Variants in CHIC1 observed in about 807,000 individuals in gnomAD.
The protein encoded by CHIC1 is cysteine-rich hydrophobic domain-containing protein 1.
Under a neutral mutation model 18.5 loss-of-function variants are expected in CHIC1, and 7 were observed. That is an observed-to-expected ratio of 0.38 (90% confidence interval 0.22 to 0.71). CHIC1 has a LOEUF of 0.71. CHIC1 is among the 30% of genes least tolerant of loss of function. The probability of loss-of-function intolerance (pLI) is 0.49; values close to 1 mark genes in which losing one functional copy is unlikely to be tolerated. For missense variants in CHIC1, 159 were observed against 176.9 expected, an observed-to-expected ratio of 0.90 and a Z score of 0.57; for synonymous variants, 77 against 73.5, an observed-to-expected ratio of 1.05 and a Z score of -0.25.
intron 3 of CHIC1, among the ~76,000 whole-genome samples, chrX:73,640,617 T>A (rs1196544299): frequency 1.8e-5 from 2 of 112,041 alleles, no homozygotes; most frequent in South Asian, 7.3e-4. Context: ...CCATTTCTTC[T>A]AAATTTTCTT....
intron 5 of CHIC1, 65 bp from the exon 6 acceptor site, chrX:73,680,890 G>A: frequency 3.5e-6 from 2 of 569,710 alleles, no homozygotes; most frequent in Non-Finnish European, 5.6e-6. Flanking sequence ...AGACTTTCTG[G>A]GTTATTTATA....
At chrX:73,582,785 C>T (rs1012868193) in intron 2 of CHIC1, among the ~76,000 whole-genome samples, 13 of 110,134 alleles carry the variant, frequency 1.2e-4, no homozygotes, top group Non-Finnish European at 2.3e-4. Flanking sequence ...CTCATTTTAT[C>T]GGTGGGAAAC....
At chrX:73,657,351 G>A (rs756968984) in intron 3 of CHIC1, among the ~76,000 whole-genome samples, 20 of 111,440 alleles carry the variant, frequency 1.8e-4, no homozygotes, top group African/African-American at 5.2e-4. Context: ...GAGCCACTGC[G>A]CCCAGCCGTA....
intron 1 of CHIC1, among the ~76,000 whole-genome samples, chrX:73,565,542 A>C (rs2147533701): frequency 9.0e-6 from 1 of 111,480 alleles, no homozygotes; most frequent in Non-Finnish European, 1.9e-5. Flanking sequence ...AGACTCACTA[A>C]CCATTGTATA....
chrX:73,629,088 C>T (rs984353780), intron 3 of CHIC1, among the ~76,000 whole-genome samples: 5 of 111,104 alleles, frequency 4.5e-5, no homozygotes, highest in African/African-American at 9.8e-5. Context: ...ATGTTGAGCA[C>T]GTTTTCATAT....
intron 3 of CHIC1, among the ~76,000 whole-genome samples, chrX:73,663,301 G>A (rs1380769841): frequency 9.0e-6 from 1 of 111,100 alleles, no homozygotes; most frequent in Non-Finnish European, 1.9e-5. Flanking sequence ...TGGGCTCTTT[G>A]TAATTTTTCT....
chrX:73,637,748 T>G (rs754925467), intron 3 of CHIC1, among the ~76,000 whole-genome samples: 6 of 111,751 alleles, frequency 5.4e-5, no homozygotes, highest in Non-Finnish European at 7.5e-5. Context: ...TTTAATTTTA[T>G]CATTTTCTTA....
intron 3 of CHIC1, among the ~76,000 whole-genome samples, chrX:73,671,397 T>G (rs1185221914): frequency 4.5e-5 from 5 of 112,273 alleles, no homozygotes; most frequent in Non-Finnish European, 9.4e-5. Flanking sequence ...CCATCTCTTC[T>G]CTTCTAGAAC....
At chrX:73,581,415 T>A (rs1569500501) in intron 2 of CHIC1, among the ~76,000 whole-genome samples, 1 of 111,054 alleles carries the variant, frequency 9.0e-6, no homozygotes, top group Non-Finnish European at 1.9e-5. Flanking sequence ...CTGTCTAACC[T>A]TCATTGCTAG....
chrX:73,598,830 T>C (rs1301504555), intron 3 of CHIC1, among the ~76,000 whole-genome samples: 1 of 110,325 alleles, frequency 9.1e-6, no homozygotes. Context: ...GATTTAGAGT[T>C]CTTTGGGTAT....
At chrX:73,673,232 C>T (rs2058041644) in intron 3 of CHIC1, among the ~76,000 whole-genome samples, 1 of 111,643 alleles carries the variant, frequency 9.0e-6, no homozygotes, top group South Asian at 3.8e-4. Context: ...GCGATGCGGG[C>T]TCTTTTTTGG....
At chrX:73,597,124 A>T (rs976396733) in intron 3 of CHIC1, among the ~76,000 whole-genome samples, 3 of 112,076 alleles carry the variant, frequency 2.7e-5, no homozygotes, top group African/African-American at 9.7e-5. Context: ...AAGAGTTCAG[A>T]TTTATGGAGA....
At chrX:73,659,891 C>T (rs1473427549) in intron 3 of CHIC1, among the ~76,000 whole-genome samples, 2 of 111,500 alleles carry the variant, frequency 1.8e-5, no homozygotes, top group Non-Finnish European at 3.8e-5. Context: ...CCTATCGGCC[C>T]AAATTATAGG....
chrX:73,613,152 G>A (rs1211363888), intron 3 of CHIC1, among the ~76,000 whole-genome samples: 2 of 111,829 alleles, frequency 1.8e-5, no homozygotes, highest in African/African-American at 6.5e-5. Context: ...TTTGCATGGA[G>A]TATCTTTATC....
intron 3 of CHIC1, among the ~76,000 whole-genome samples, chrX:73,608,333 T>G (rs918290712): frequency 9.2e-6 from 1 of 109,212 alleles, no homozygotes; most frequent in Non-Finnish European, 1.9e-5. Context: ...TCAGAAGATG[T>G]GAGTCTTCCA....
chrX:73,613,337 T>TC (rs1569502654), intron 3 of CHIC1, among the ~76,000 whole-genome samples: 2 of 111,554 alleles, frequency 1.8e-5, no homozygotes, highest in African/African-American at 6.5e-5. Flanking sequence ...TGGGGAGGGA[T>TC]CCCCCCTGAA....
chrX:73,584,687 A>G, intron 3 of CHIC1, 115 bp downstream of exon 3: 1 of 521,664 alleles, frequency 1.9e-6, no homozygotes, highest in Non-Finnish European at 2.8e-6. Flanking sequence ...TCTTGTAACA[A>G]TGCTATCTTT....
At chrX:73,642,575 T>C (rs1191068316) in intron 3 of CHIC1, among the ~76,000 whole-genome samples, 1 of 105,586 alleles carries the variant, frequency 9.5e-6, no homozygotes, top group Non-Finnish European at 2.0e-5. Flanking sequence ...TTTGGTGTTT[T>C]AGACATGAAG....
intron 3 of CHIC1, among the ~76,000 whole-genome samples, chrX:73,585,818 A>AT (rs1159673345): frequency 1.2e-4 from 13 of 108,966 alleles, no homozygotes; most frequent in African/African-American, 3.0e-4. Context: ...AAGGAGAAAC[A>AT]TTTTTTTTTC....
Sources: allele counts gnomAD v4.1 joint callset (sites outside exome capture counted in the v4.1 genomes callset), GRCh38; gene constraint gnomAD v4.1.1; transcripts MANE v1.5; gene names NCBI Gene and HGNC (gene_info 2026-07-23, HGNC 2026-07-21).